The following ZNF746 variants were observed in gnomAD, a reference collection of about 807,000 sequenced individuals.
ZNF746 encodes the protein parkin-interacting substrate.
ZNF746 carries 13 observed loss-of-function variants against 41.0 expected under a neutral mutation model. That is an observed-to-expected ratio of 0.32 (90% CI 0.21 to 0.50). The LOEUF is 0.50. ZNF746 is among the 20% of genes least tolerant of loss of function. The pLI is 0.98. For missense variants in ZNF746, 811 were observed against 922.9 expected (o/e 0.88, Z 1.57); for synonymous variants, 424 against 396.2 (o/e 1.07, Z -0.83).
At chr7:149,481,849 G>C (rs1800493718) in intron 4 of ZNF746, among the ~76,000 whole-genome samples, 1 of 152,136 alleles carries the variant, frequency 6.6e-6, no homozygotes, top group Non-Finnish European at 1.5e-5. Context: ...ATTTAAGATG[G>C]TAAAAAGAAT....
At chr7:149,490,060 T>C (rs1447941578) in intron 4 of ZNF746, 4 of 152,146 alleles carry the variant, frequency 2.6e-5, no homozygotes, top group African/African-American at 9.7e-5. Flanking sequence ...TGAGGTGGGA[T>C]CTGGTGCCAG....
At chr7:149,484,049 T>C (rs1800554454) in intron 4 of ZNF746, among the ~76,000 whole-genome samples, 1 of 152,152 alleles carries the variant, frequency 6.6e-6, no homozygotes, top group Admixed American at 6.5e-5. Context: ...GTAACTAAAA[T>C]AAATTACATC....
At chr7:149,495,865 A>G (rs1355017705) in intron 1 of ZNF746, among the ~76,000 whole-genome samples, 2 of 152,130 alleles carry the variant, frequency 1.3e-5, no homozygotes, top group Non-Finnish European at 2.9e-5. Context: ...AGGCTGGGAG[A>G]TTCTGGACAA....
At chr7:149,490,815 G>A (rs1327541906) in intron 4 of ZNF746, 1 of 152,998 alleles carries the variant, frequency 6.5e-6, no homozygotes, top group African/African-American at 2.4e-5. Context: ...GTCTGCAGAA[G>A]TAGCAAAAAG....
intron 1 of ZNF746, among the ~76,000 whole-genome samples, chr7:149,495,176 A>C (rs1406631076): frequency 6.6e-6 from 1 of 151,952 alleles, no homozygotes; most frequent in African/African-American, 2.4e-5. Flanking sequence ...CCCACAAGCT[A>C]AAATCCCCAT....
intron 4 of ZNF746, among the ~76,000 whole-genome samples, chr7:149,492,184 T>C (rs1800828370): frequency 6.6e-6 from 1 of 152,182 alleles, no homozygotes; most frequent in East Asian, 1.9e-4. Flanking sequence ...AAATGGATTT[T>C]CTTCTGCTTC....
At chr7:149,488,482 T>C (rs1470866403) in intron 4 of ZNF746, 1 of 151,780 alleles carries the variant, frequency 6.6e-6, no homozygotes, top group Non-Finnish European at 1.5e-5. Context: ...GTAACACAAA[T>C]AATAGACAAA....
At chr7:149,486,564 A>C (rs771509607) in intron 4 of ZNF746, among the ~76,000 whole-genome samples, 1 of 152,238 alleles carries the variant, frequency 6.6e-6, no homozygotes, top group Non-Finnish European at 1.5e-5. Flanking sequence ...ATTAACATGG[A>C]TGGCTCTCAA....
intron 4 of ZNF746, chr7:149,489,265 ACACACACAC>A (rs1202107012): frequency 2.0e-5 from 3 of 150,526 alleles, no homozygotes; most frequent in Non-Finnish European, 4.4e-5. Flanking sequence ...ACACACACAC[ACACACACAC>A]GTTTTAAATT....
In ZNF746 at chr7:149,477,554, A is replaced by G. The variant is rs756875840; in HGVS notation, c.757+10T>C. ...AACTTGTTCCTTATGTCCCCGTCTC[A>G]GCCACTTACCAGAGGTGGCATCCGT... On this transcript the variant is annotated intron_variant, in intron 5 of 6. Coordinates refer to ENST00000458143, the MANE Select transcript of ZNF746 (RefSeq NM_001394198.1). 1 of 1,593,060 alleles carries G rather than the reference A, an allele frequency of 6.3e-7. No individual in the cohort carries two copies. The highest frequency in any genetic ancestry group is 1.1e-5 in the South Asian group (1 of 89,236).
At chr7:149,495,932 G>A (rs895303332) in intron 1 of ZNF746, among the ~76,000 whole-genome samples, 4 of 152,174 alleles carry the variant, frequency 2.6e-5, no homozygotes, top group African/African-American at 9.7e-5. Context: ...CTCTCAAGGA[G>A]TAGGTGGTCC....
chr7:149,476,894 C>T (rs752841644), intron 6 of ZNF746, 28 bp downstream of exon 6: 1 of 1,613,602 alleles, frequency 6.2e-7, no homozygotes, highest in Non-Finnish European at 8.5e-7. Flanking sequence ...AAGCATGGCC[C>T]TTCCCTTCCT....
At position 149,492,915 on chromosome 7, in the gene ZNF746, C is replaced by T. The variant is rs371133423; in HGVS notation, c.509G>A (p.Cys170Tyr). Residue 170 changes from cysteine (C) to tyrosine (Y), a missense_variant, in exon 4 of 7, where the codon TGC (cysteine) becomes TAC (tyrosine). Transcript: ENST00000458143. ...CTTGGGGCCAGGGCGGCGCCAGTTG[C>T]AGGGCTCCTTCCCTTGTTCAATCTG... Reference protein sequence around the residue: ...LSQIEQGKEPCNWRRPGPKIP... With the variant: ...LSQIEQGKEPYNWRRPGPKIP... 1.5e-5 allele frequency: 24 copies of T among 1,613,936 alleles called. No individual in the cohort carries two copies. Among genetic ancestry groups the T allele is most frequent in the African/African-American group, 5.3e-5 (4 of 74,896 alleles).
chr7:149,491,916 G>A (rs1295702668), intron 4 of ZNF746: 1 of 701,950 alleles, frequency 1.4e-6, no homozygotes. Flanking sequence ...ACTTTCAAAG[G>A]TGCTGACTGG....
At chr7:149,479,602 G>A (rs748949901) in intron 4 of ZNF746, among the ~76,000 whole-genome samples, 2 of 152,116 alleles carry the variant, frequency 1.3e-5, no homozygotes, top group African/African-American at 4.8e-5. Context: ...AAAATATAAC[G>A]AACAAAGTTA....
chr7:149,474,845 T>TGCCGCTGCCGCCACC lies in ZNF746; in HGVS notation c.1507_1521dup (p.Gly503_Gly507dup), dbSNP rs1406030041. The TGCCGCTGCCGCCACC allele has an allele frequency of 9.2e-6, 13 of 1,418,128 alleles. No homozygotes were observed. The highest frequency in any genetic ancestry group is 8.9e-5 in the East Asian group (3 of 33,870). The allele number at this position is 1,418,128 out of a possible 1,614,324, so 87.8% of individuals were successfully genotyped here. ...CCGCTGCCGCCACCGCCGCCGCCACTGCCGCTGCCGCCACCGCCTGTGCCC... is the reference window on the plus strand; with the variant it reads ...CCGCTGCCGCCACCGCCGCCGCCACTGCCGCTGCCGCCACCGCCGCTGCCGCCACCGCCTGTGCCC... On this transcript the variant is annotated inframe_insertion, in exon 7 of 7. Transcript: ENST00000458143. The surrounding 1 kb of genome is among the most constrained non-coding windows in gnomAD (Gnocchi z 6.3).
At chr7:149,485,899 C>T (rs1336440483) in intron 4 of ZNF746, among the ~76,000 whole-genome samples, 4 of 152,004 alleles carry the variant, frequency 2.6e-5, no homozygotes, top group Non-Finnish European at 4.4e-5. Flanking sequence ...ATTAGCTGGG[C>T]GTGGTGGTGC....
At position 149,477,058 on chromosome 7, in the gene ZNF746, G is replaced by A. The variant is rs1563249482; in HGVS notation, c.758-11C>T. On this transcript the variant is annotated splice_polypyrimidine_tract_variant and intron_variant, in intron 5 of 6. Transcript: ENST00000458143. ...AGTTGGAATGGACACCTGCGGTAAG[G>A]GGAGAGCAGAGCCGGTGGGTTAGGG... 18 of 1,610,846 alleles carry A rather than the reference G, an allele frequency of 1.1e-5. No homozygotes were observed. In the East Asian group the frequency reaches 2.5e-4, roughly 22 times the overall value.
At position 149,477,703 on chromosome 7, in the gene ZNF746, C is replaced by G; in HGVS notation, c.618G>C (p.Glu206Asp). 6.2e-7 allele frequency: 1 copy of G among 1,613,862 alleles called. No homozygotes were observed. The highest frequency in any genetic ancestry group is 8.5e-7 in the Non-Finnish European group (1 of 1,179,888). The change falls in exon 5 of 7, where the codon GAG becomes GAC. Residue 206 changes from glutamate (E) to aspartate (D), a missense_variant. Transcript: ENST00000458143. ...APDLLMQIKQ[E>D]GELQLQEQQA... The stretch of plus-strand genomic sequence containing the variant: ...GCTGCTCCTGGAGCTGGAGCTCACC[C>G]TCCTGCTTGATCTGCATCAAGAGGT...
Sources: allele counts gnomAD v4.1 joint callset (sites outside exome capture counted in the v4.1 genomes callset), GRCh38; gene constraint gnomAD v4.1.1; non-coding constraint Gnocchi (gnomAD v3.1); transcripts MANE v1.5; gene names NCBI Gene and HGNC (gene_info 2026-07-23, HGNC 2026-07-21).